Variants in RORA observed in about 807,000 individuals in gnomAD.
The protein encoded by RORA is nuclear receptor ROR-alpha.
A neutral mutation model predicts 69.5 loss-of-function variants in RORA; 7 were observed. That is an observed-to-expected ratio of 0.10 (90% CI 0.06 to 0.19). The LOEUF is 0.19. RORA is among the 10% of genes least tolerant of loss of function. The probability of loss-of-function intolerance (pLI) is 1.00; values close to 1 mark genes in which losing one functional copy is unlikely to be tolerated. For synonymous variants in RORA, 261 were observed against 240.8 expected (o/e 1.08, Z -0.78); for missense variants, 457 against 663.0 (o/e 0.69, Z 3.41).
At chr15:61,041,319 T>C (rs898831102) in intron 1 of RORA, among the ~76,000 whole-genome samples, 3 of 152,110 alleles carry the variant, frequency 2.0e-5, no homozygotes, top group African/African-American at 7.2e-5. Context: ...AAATCTTCCA[T>C]GAAACAAGCA....
chr15:61,176,383 G>C (rs2079629613), intron 1 of RORA: 2 of 152,180 alleles, frequency 1.3e-5, no homozygotes, highest in East Asian at 1.9e-4. Context: ...GGTGCGGCTG[G>C]GAGATCACTT....
chr15:60,883,582 A>C (rs1255516041), intron 1 of RORA, among the ~76,000 whole-genome samples: 1 of 152,194 alleles, frequency 6.6e-6, no homozygotes, highest in African/African-American at 2.4e-5. Flanking sequence ...TTCACACAGT[A>C]GGTATGTAAT....
chr15:60,861,238 G>C (rs908976349), intron 1 of RORA, among the ~76,000 whole-genome samples: 2 of 152,146 alleles, frequency 1.3e-5, no homozygotes, highest in Non-Finnish European at 2.9e-5. Flanking sequence ...AGACAGGAGA[G>C]GTGGCTTAAT....
chr15:60,575,085 G>C (rs920772290), intron 2 of RORA, among the ~76,000 whole-genome samples: 2 of 151,982 alleles, frequency 1.3e-5, no homozygotes, highest in African/African-American at 4.8e-5. Flanking sequence ...AGCCCTAAGA[G>C]AGGAGATGAT....
intron 1 of RORA, chr15:60,848,547 T>G (rs1595764208): frequency 6.6e-6 from 1 of 152,276 alleles, no homozygotes; most frequent in South Asian, 2.1e-4. Context: ...CTCCAACCTG[T>G]GTTAGTCCTT....
chr15:61,045,460 G>C (rs1249044118), intron 1 of RORA, among the ~76,000 whole-genome samples: 1 of 152,174 alleles, frequency 6.6e-6, no homozygotes, highest in African/African-American at 2.4e-5. Context: ...TGAGAAGCTG[G>C]GGAGTATGGG....
chr15:60,516,244 T>C (rs2065952598), intron 3 of RORA, among the ~76,000 whole-genome samples: 1 of 84,036 alleles, frequency 1.2e-5, no homozygotes, highest in Admixed American at 2.1e-4. Flanking sequence ...TTTATATATA[T>C]ATATTTATAT....
rs1004082187 is a variant in RORA at position 60,494,420 on chromosome 15, A to T, written c.*3035T>A. The stretch of plus-strand genomic sequence containing the variant: ...GTGATGTGGTTCCAATCCTTAAAAG[A>T]CTATTGGAGACTGAAGTTTAGGAAA... On this transcript the variant is annotated 3_prime_UTR_variant, in exon 11 of 11. Coordinates refer to ENST00000335670, the MANE Select transcript of RORA (RefSeq NM_134261.3). 1 of 152,228 alleles carries T rather than the reference A, an allele frequency of 6.6e-6. No individual in the cohort carries two copies. Among genetic ancestry groups the T allele is most frequent in the African/African-American group, 2.4e-5 (1 of 41,472 alleles). The allele number at this position is 152,228 out of a possible 1,614,324, so 9.4% of individuals were successfully genotyped here. A position where few individuals can be genotyped will look rare whatever the true frequency, so the allele number is the denominator to read the frequency against.
chr15:60,590,706 G>A (rs1221725227), intron 2 of RORA, among the ~76,000 whole-genome samples: 1 of 151,866 alleles, frequency 6.6e-6, no homozygotes, highest in African/African-American at 2.4e-5. Flanking sequence ...TTGGGGGGGT[G>A]GGGGAGAATA....
chr15:60,998,941 G>A (rs1463612231), intron 1 of RORA, among the ~76,000 whole-genome samples: 1 of 152,210 alleles, frequency 6.6e-6, no homozygotes, highest in Non-Finnish European at 1.5e-5. Flanking sequence ...CTCAGTGACA[G>A]GGAGGTCTGT....
chr15:60,773,378 T>C (rs1006677729), intron 1 of RORA, among the ~76,000 whole-genome samples: 1 of 152,194 alleles, frequency 6.6e-6, no homozygotes, highest in African/African-American at 2.4e-5. Flanking sequence ...CGTTTGAGGA[T>C]ATAGTATATA....
intron 1 of RORA, among the ~76,000 whole-genome samples, chr15:60,687,925 T>C (rs2070771236): frequency 6.6e-6 from 1 of 152,216 alleles, no homozygotes; most frequent in African/African-American, 2.4e-5. Flanking sequence ...TGGGGCAAGA[T>C]ACTCTCTCCG....
At chr15:61,124,897 A>G (rs1353331069) in intron 1 of RORA, among the ~76,000 whole-genome samples, 7 of 152,110 alleles carry the variant, frequency 4.6e-5, no homozygotes, top group African/African-American at 1.7e-4. Flanking sequence ...ATTCCATTAT[A>G]ATCTTTGGGT....
chr15:60,516,239 A>T (rs1567052758), intron 3 of RORA, among the ~76,000 whole-genome samples: 7 of 75,340 alleles, frequency 9.3e-5, no homozygotes, highest in Non-Finnish European at 1.4e-4. Context: ...ATATATTTAT[A>T]TATATATATT....
intron 1 of RORA, among the ~76,000 whole-genome samples, chr15:61,069,810 C>T (rs748956428): frequency 6.6e-6 from 1 of 152,032 alleles, no homozygotes; most frequent in Non-Finnish European, 1.5e-5. Context: ...CTACTGAAAC[C>T]GAAGATAGAT....
intron 1 of RORA, among the ~76,000 whole-genome samples, chr15:60,924,332 T>A: frequency 2.2e-5 from 1 of 45,960 alleles, no homozygotes; most frequent in Admixed American, 2.0e-4. Context: ...TCTTCTACTT[T>A]TAAGAAATGT....
intron 1 of RORA, among the ~76,000 whole-genome samples, chr15:61,064,475 A>G (rs780021049): frequency 1.3e-5 from 2 of 152,174 alleles, no homozygotes; most frequent in Non-Finnish European, 2.9e-5. Context: ...CCACACAAGC[A>G]AACTGCAGGG....
At chr15:61,152,829 A>G (rs2079409135) in intron 1 of RORA, among the ~76,000 whole-genome samples, 1 of 152,230 alleles carries the variant, frequency 6.6e-6, no homozygotes, top group Non-Finnish European at 1.5e-5. Context: ...GCACTTGTAG[A>G]TAAATAAGCA....
intron 1 of RORA, among the ~76,000 whole-genome samples, chr15:60,754,717 G>C (rs374283551): frequency 1.3e-5 from 2 of 152,256 alleles, no homozygotes; most frequent in East Asian, 3.9e-4. Flanking sequence ...TGCTGCACAG[G>C]CACATTGGAG....
Sources: gnomAD v4.1 joint callset for allele counts (sites outside exome capture counted in the v4.1 genomes callset) on GRCh38, gnomAD v4.1.1 for gene constraint, MANE v1.5 for transcripts, NCBI Gene and HGNC (gene_info 2026-07-23, HGNC 2026-07-21) for gene names.